Variants in EMSY observed in about 807,000 individuals in gnomAD.
EMSY encodes the protein BRCA2-interacting transcriptional repressor EMSY.
In EMSY, 26 loss-of-function variants were observed where a neutral mutation model predicts 134.6. The ratio of observed to expected loss-of-function variants is 0.19; its 90% CI spans 0.14 to 0.27. The LOEUF is 0.27. Ranked by LOEUF, EMSY falls within the 10% of genes least tolerant of loss-of-function variation. The probability of loss-of-function intolerance (pLI) is 1.00; values close to 1 mark genes in which losing one functional copy is unlikely to be tolerated. For synonymous variants in EMSY, 579 were observed against 577.8 expected, an observed-to-expected ratio of 1.00 and a Z score of -0.03; for missense variants, 1,305 against 1,611.4, an observed-to-expected ratio of 0.81 and a Z score of 3.26.
At chr11:76,548,257 G>A (rs1490803947) in intron 20 of EMSY, among the ~76,000 whole-genome samples, 1 of 152,160 alleles carries the variant, frequency 6.6e-6, no homozygotes, top group African/African-American at 2.4e-5. Context: ...TTGATTTGCT[G>A]AGTCTGTAAA....
At position 76,516,140 on chromosome 11, in the gene EMSY, A is replaced by T; in HGVS notation, c.1514-2A>T. 1 of 1,608,636 alleles carries T rather than the reference A, an allele frequency of 6.2e-7. No homozygotes were observed. The highest frequency in any genetic ancestry group is 8.5e-7 in the Non-Finnish European group (1 of 1,177,762). On this transcript the variant is annotated splice_acceptor_variant, in intron 10 of 20. Coordinates refer to ENST00000334736, the Ensembl canonical transcript of EMSY. LOFTEE classifies it high-confidence loss of function. Reference sequence around the variant, plus strand: ...TTTCTTTTGGCTTTTCCCTTTCTGTAGGCACACAAGCAACCTATACCCGGC... The same window carrying T: ...TTTCTTTTGGCTTTTCCCTTTCTGTTGGCACACAAGCAACCTATACCCGGC...
chr11:76,473,160 G>C (rs1948640220), intron 8 of EMSY, among the ~76,000 whole-genome samples: 1 of 152,062 alleles, frequency 6.6e-6, no homozygotes, highest in South Asian at 2.1e-4. Context: ...TTTTAAATGA[G>C]AAATTTGAAA....
Position 76,538,256 on chromosome 11 carries a change from TTTTG to T in EMSY, c.2515+322_2515+325del, listed in dbSNP as rs199686595. Among the ~76,000 whole-genome samples, 1,467 of 152,064 alleles carry T rather than the reference TTTTG, an allele frequency of 9.6e-3. 24 individuals are homozygous for T. Among genetic ancestry groups the T allele is most frequent in the East Asian group, 0.058 (298 of 5,164 alleles). On this transcript the variant is annotated intron_variant, in intron 16 of 20. Coordinates refer to ENST00000334736, the Ensembl canonical transcript of EMSY. ...TGTCTAAGAATGAGTTTTGTTTGTT[TTTTG>T]TTTGTTTGTTTGTTTTGAGACAGGG...
At chr11:76,518,423 C>T (rs1262972126) in intron 11 of EMSY, among the ~76,000 whole-genome samples, 1 of 151,396 alleles carries the variant, frequency 6.6e-6, no homozygotes, top group Non-Finnish European at 1.5e-5. Context: ...CCACCTTGGC[C>T]ACCCAAAGTG....
At chr11:76,449,293 A>G (rs188933791) in intron 2 of EMSY, among the ~76,000 whole-genome samples, 151 of 152,314 alleles carry the variant, frequency 9.9e-4, no homozygotes, top group African/African-American at 3.5e-3. Context: ...AGGGTTCTTT[A>G]CAATGAGTGA....
chr11:76,445,098 C>T (rs1310520614), exon 1 of EMSY: 1 of 153,146 alleles, frequency 6.5e-6, no homozygotes, highest in Non-Finnish European at 1.5e-5. Context: ...GGCGGAGGAG[C>T]CTTTTAGATG....
intron 11 of EMSY, among the ~76,000 whole-genome samples, chr11:76,518,499 A>G (rs1950527988): frequency 6.6e-6 from 1 of 151,838 alleles, no homozygotes. Context: ...ACATCTAGCT[A>G]TAAGACTAGA....
intron 12 of EMSY, among the ~76,000 whole-genome samples, chr11:76,524,623 T>C (rs1261749921): frequency 1.3e-5 from 2 of 152,220 alleles, no homozygotes; most frequent in Non-Finnish European, 2.9e-5. Flanking sequence ...CTAGGCCCTG[T>C]GGTCACAAAG....
At chr11:76,449,226 C>A (rs907753900) in intron 2 of EMSY, among the ~76,000 whole-genome samples, 3 of 152,152 alleles carry the variant, frequency 2.0e-5, no homozygotes, top group African/African-American at 7.2e-5. Context: ...ATGTGAAGAT[C>A]TAAGGATACC....
At chr11:76,481,678 A>T (rs907397653) in intron 8 of EMSY, among the ~76,000 whole-genome samples, 8 of 152,262 alleles carry the variant, frequency 5.3e-5, no homozygotes, top group Non-Finnish European at 1.2e-4. Context: ...AAGCTGCTGT[A>T]GCCAGACTGC....
At chr11:76,460,167 T>C (rs1487578371) in intron 6 of EMSY, 82 bp downstream of exon 7, 7 of 1,489,750 alleles carry the variant, frequency 4.7e-6, no homozygotes, top group Non-Finnish European at 5.6e-6. Flanking sequence ...CCTTCCTGGA[T>C]TAAATCATTG....
At chr11:76,546,843 AT>A (rs1265844895) in intron 20 of EMSY, among the ~76,000 whole-genome samples, 1 of 152,238 alleles carries the variant, frequency 6.6e-6, no homozygotes, top group Admixed American at 6.5e-5. Context: ...TAATGTTTAT[AT>A]TTAATTTGGG....
chr11:76,544,175 G>A (rs1304467727), intron 18 of EMSY, 84 bp from the exon 20 acceptor site: 15 of 1,359,652 alleles, frequency 1.1e-5, no homozygotes, highest in South Asian at 7.5e-5. Context: ...AGTGAATCTC[G>A]TAAGTCTTTT....
chr11:76,533,307 T>C (rs543736095), intron 14 of EMSY, among the ~76,000 whole-genome samples: 2 of 152,236 alleles, frequency 1.3e-5, no homozygotes, highest in African/African-American at 4.8e-5. Flanking sequence ...TTTTGTCAGT[T>C]ATCTTCAGGA....
At chr11:76,492,820 G>A (rs762560742) in intron 8 of EMSY, among the ~76,000 whole-genome samples, 2 of 152,200 alleles carry the variant, frequency 1.3e-5, no homozygotes, top group Non-Finnish European at 2.9e-5. Context: ...GGGCTTCCAT[G>A]AGTGTGAGCT....
At chr11:76,550,316 T>A in exon 21 of EMSY, 1 of 439,338 alleles carries the variant, frequency 2.3e-6, no homozygotes, top group Non-Finnish European at 3.8e-6. Context: ...TAAAACAAGA[T>A]AAAACTCACA....
At chr11:76,481,246 T>C (rs1232008122) in intron 8 of EMSY, among the ~76,000 whole-genome samples, 2 of 152,058 alleles carry the variant, frequency 1.3e-5, no homozygotes, top group East Asian at 3.9e-4. Flanking sequence ...GGTTTCATCA[T>C]GTTAGCCAGG....
At chr11:76,541,774 G>A (rs1222789443) in intron 17 of EMSY, among the ~76,000 whole-genome samples, 1 of 152,228 alleles carries the variant, frequency 6.6e-6, no homozygotes, top group Non-Finnish European at 1.5e-5. Context: ...GAGACCAAGA[G>A]ATTAAAGAAT....
chr11:76,503,128 C>T lies in EMSY; in HGVS notation c.1363+6659C>T, dbSNP rs146499062. 4.7e-3 allele frequency among the ~76,000 whole-genome samples: 709 copies of T among 151,846 alleles called. 4 individuals carry two copies. The highest frequency in any genetic ancestry group is 0.016 in the African/African-American group (664 of 41,412). Reference sequence around the variant, plus strand: ...TCAGACTGGCCAACATGGTGAAACCCTGTCTCTACTAAAAATACAAAAATT... The same window carrying T: ...TCAGACTGGCCAACATGGTGAAACCTTGTCTCTACTAAAAATACAAAAATT... On this transcript the variant is annotated intron_variant, in intron 9 of 20. Transcript: ENST00000334736.
Sources: gnomAD v4.1 joint callset for allele counts (sites outside exome capture counted in the v4.1 genomes callset) on GRCh38, gnomAD v4.1.1 for gene constraint, MANE v1.5 for transcripts, NCBI Gene and HGNC (gene_info 2026-07-23, HGNC 2026-07-21) for gene names.